The following DTL variants were observed in gnomAD, a reference collection of about 807,000 sequenced individuals.
DTL encodes denticleless E3 ubiquitin protein ligase adapter.
Under a neutral mutation model 87.0 loss-of-function variants are expected in DTL, and 46 were observed. The observed-to-expected ratio is 0.53, with a 90% CI of 0.42 to 0.68. DTL has a LOEUF of 0.68. Among genes scored for constraint, DTL ranks in the 30% least tolerant of loss-of-function variants. DTL has a pLI of 0.00. For synonymous variants in DTL, 308 were observed against 311.2 expected, an observed-to-expected ratio of 0.99 and a Z score of 0.11; for missense variants, 737 against 869.4, an observed-to-expected ratio of 0.85 and a Z score of 1.91.
chr1:212,049,573 T>C (rs1667902600), intron 5 of DTL, among the ~76,000 whole-genome samples: 1 of 152,202 alleles, frequency 6.6e-6, no homozygotes, highest in African/African-American at 2.4e-5. Flanking sequence ...GTGGCTTTTT[T>C]CATGATTTTC....
intron 5 of DTL, among the ~76,000 whole-genome samples, chr1:212,049,120 G>T (rs1157878209): frequency 1.3e-5 from 2 of 151,988 alleles, no homozygotes; most frequent in Non-Finnish European, 2.9e-5. Flanking sequence ...ACAGGGTTTC[G>T]CCATGTCGGC....
chr1:212,086,656 G>A (rs139466121), intron 13 of DTL, among the ~76,000 whole-genome samples: 1 of 152,132 alleles, frequency 6.6e-6, no homozygotes, highest in Non-Finnish European at 1.5e-5. Context: ...CCAAAGTGCT[G>A]GGATTACAGG....
intron 13 of DTL, among the ~76,000 whole-genome samples, chr1:212,098,387 C>T (rs1655510597): frequency 6.6e-6 from 1 of 152,292 alleles, no homozygotes; most frequent in East Asian, 1.9e-4. Context: ...AAGAGAGTAT[C>T]AACTGCAGTA....
intron 12 of DTL, among the ~76,000 whole-genome samples, chr1:212,080,170 A>T (rs901966384): frequency 3.3e-5 from 5 of 152,228 alleles, no homozygotes; most frequent in African/African-American, 1.2e-4. Flanking sequence ...GCCAAGTCTG[A>T]TCTTGCAAAT....
chr1:212,055,211 A>G (rs1196916422), intron 5 of DTL, among the ~76,000 whole-genome samples: 1 of 149,832 alleles, frequency 6.7e-6, no homozygotes, highest in Non-Finnish European at 1.5e-5. Context: ...GGGATCAGCT[A>G]GGAATCTGGA....
At chr1:212,036,857 A>G (rs1307980991) in intron 1 of DTL, among the ~76,000 whole-genome samples, 2 of 152,222 alleles carry the variant, frequency 1.3e-5, no homozygotes, top group Non-Finnish European at 2.9e-5. Context: ...CCTTGAAACT[A>G]TGTGGAAAAC....
intron 11 of DTL, among the ~76,000 whole-genome samples, chr1:212,075,228 C>T (rs1197192916): frequency 6.6e-6 from 1 of 152,158 alleles, no homozygotes; most frequent in Non-Finnish European, 1.5e-5. Context: ...CACAAAATAA[C>T]TTTATGACAT....
intron 13 of DTL, among the ~76,000 whole-genome samples, chr1:212,098,446 C>G (rs950961889): frequency 6.6e-5 from 10 of 152,066 alleles, no homozygotes; most frequent in African/African-American, 2.4e-4. Context: ...GATAGGTTTT[C>G]GGGCTTCTCA....
At position 212,101,046 on chromosome 1, in the gene DTL, A is replaced by G. The variant is rs781629304; in HGVS notation, c.2056A>G (p.Asn686Asp). 3 of 1,613,172 alleles carry G rather than the reference A, an allele frequency of 1.9e-6. No homozygotes were observed. The East Asian group carries it at 6.7e-5, about 36-fold the overall frequency. Residue 686 changes from asparagine to aspartate, a missense_variant, in exon 14 of 15, where the codon AAT becomes GAT. Transcript: ENST00000366991. ...SPRSPSSQTP[N>D]SRRQSGKKLP... ...ACGAAGTCCGTCATCCCAGACACCC[A>G]ATTCCAGGAGACAGAGCGGAAAGAA...
At chr1:212,076,046 C>A (rs1654820843) in intron 11 of DTL, among the ~76,000 whole-genome samples, 1 of 152,164 alleles carries the variant, frequency 6.6e-6, no homozygotes. Flanking sequence ...TCAGTACTTA[C>A]TCCTTTTTAT....
Position 212,072,090 on chromosome 1 carries a change from T to C in DTL, c.923-11T>C, listed in dbSNP as rs779173861. 8.7e-6 allele frequency: 14 copies of C among 1,610,876 alleles called. No individual in the cohort carries two copies. The highest frequency in any genetic ancestry group is 1.2e-5 in the Non-Finnish European group (14 of 1,177,382). ...CAAGAGCCAAGTAATTTGGTTTTTTTCCTCTGGCAGTGGCTATTTTCAATG... is the reference window on the plus strand; with the variant it reads ...CAAGAGCCAAGTAATTTGGTTTTTTCCCTCTGGCAGTGGCTATTTTCAATG... On this transcript the variant is annotated splice_polypyrimidine_tract_variant and intron_variant, in intron 10 of 14. Coordinates refer to ENST00000366991, the MANE Select transcript of DTL (RefSeq NM_016448.4).
chr1:212,047,050 TC>T (rs1440674680), intron 3 of DTL, 100 bp from the exon 4 acceptor site: 1 of 1,008,534 alleles, frequency 9.9e-7, no homozygotes, highest in African/African-American at 1.6e-5. Flanking sequence ...CAACTACTGA[TC>T]TTTTTACTAC....
chr1:212,056,548 G>A (rs1342995988), intron 5 of DTL, among the ~76,000 whole-genome samples: 2 of 152,090 alleles, frequency 1.3e-5, no homozygotes, highest in African/African-American at 2.4e-5. Flanking sequence ...GTTACACCAG[G>A]TGCACAAATA....
intron 14 of DTL, 143 bp downstream of exon 14, chr1:212,101,227 C>T (rs765192824): frequency 3.3e-6 from 2 of 598,718 alleles, no homozygotes; most frequent in Non-Finnish European, 5.4e-6. Context: ...CACATAAATA[C>T]AAAACAAATT....
chr1:212,103,007 C>A lies in DTL; in HGVS notation c.*67C>A. On this transcript the variant is annotated 3_prime_UTR_variant, in exon 15 of 15. Transcript: ENST00000366991. ...CAAGCTGAGCTTTGGTCCACTAAAACAAGATGAAAAATACAAGAGTGACTC... is the reference window on the plus strand; with the variant it reads ...CAAGCTGAGCTTTGGTCCACTAAAAAAAGATGAAAAATACAAGAGTGACTC... 1.1e-6 allele frequency: 1 copy of A among 932,780 alleles called. No homozygotes were observed. Among genetic ancestry groups the A allele is most frequent in the African/African-American group, 1.7e-5 (1 of 59,614 alleles). The allele number at this position is 932,780 out of a possible 1,614,324, so 57.8% of individuals were successfully genotyped here.
intron 11 of DTL, among the ~76,000 whole-genome samples, chr1:212,075,120 T>C (rs1392187544): frequency 6.6e-6 from 1 of 152,154 alleles, no homozygotes. Flanking sequence ...GAAGTGTAAA[T>C]GATCTCATGG....
Position 212,074,746 on chromosome 1 carries a change from A to C in DTL, c.1035+2533A>C, listed in dbSNP as rs145936933. On this transcript the variant is annotated intron_variant, in intron 11 of 14. Transcript: ENST00000366991. Reference sequence around the variant, plus strand: ...TCTTCTACGTGTTCAAAAAGTCAGAATTCTCTTAAGTATTAGAATTTTTTC... The same window carrying C: ...TCTTCTACGTGTTCAAAAAGTCAGACTTCTCTTAAGTATTAGAATTTTTTC... 3.7e-3 allele frequency among the ~76,000 whole-genome samples: 565 copies of C among 152,224 alleles called. 5 individuals carry two copies. Among genetic ancestry groups the C allele is most frequent in the African/African-American group, 0.013 (529 of 41,548 alleles).
chr1:212,072,306 G>T (rs17018435), intron 11 of DTL, 93 bp downstream of exon 11: 8 of 929,746 alleles, frequency 8.6e-6, no homozygotes, highest in Non-Finnish European at 1.2e-5. Flanking sequence ...ATGTAACCAC[G>T]TGCTATACTA....
chr1:212,097,296 A>G (rs568288668), intron 13 of DTL, among the ~76,000 whole-genome samples: 15 of 152,106 alleles, frequency 9.9e-5, no homozygotes, highest in African/African-American at 3.6e-4. Context: ...CTTCATCTTG[A>G]CTTTAGATAG....
Sources: allele counts gnomAD v4.1 joint callset (sites outside exome capture counted in the v4.1 genomes callset), GRCh38; gene constraint gnomAD v4.1.1; transcripts MANE v1.5; gene names NCBI Gene and HGNC (gene_info 2026-07-23, HGNC 2026-07-21).